The following LRRTM4 variants were observed in gnomAD, a reference collection of about 807,000 sequenced individuals.
LRRTM4 encodes leucine rich repeat transmembrane neuronal 4, also known as leucine-rich repeat transmembrane neuronal protein 4.
In LRRTM4, 25 loss-of-function variants were observed where a neutral mutation model predicts 47.6. That is an observed-to-expected ratio of 0.53 (90% CI 0.38 to 0.73). The LOEUF (loss-of-function observed/expected upper bound fraction) is 0.73. LRRTM4 is among the 30% of genes least tolerant of loss of function. LRRTM4 has a pLI of 0.00. For missense variants in LRRTM4, 638 were observed against 713.4 expected (o/e 0.89, Z 1.20); for synonymous variants, 311 against 269.5 (o/e 1.15, Z -1.51).
At chr2:76,974,079 T>TA (rs1214910389) in intron 3 of LRRTM4, among the ~76,000 whole-genome samples, 1 of 150,578 alleles carries the variant, frequency 6.6e-6, no homozygotes, top group Non-Finnish European at 1.5e-5. Context: ...ACCATCCGTT[T>TA]AAAAAAATGC....
At position 76,789,128 on chromosome 2, in the gene LRRTM4, G is replaced by A. The variant is rs369240345; in HGVS notation, c.1552-40212C>T. Among the ~76,000 whole-genome samples the A allele has an allele frequency of 5.9e-5, 9 of 152,238 alleles. No individual in the cohort carries two copies. In the East Asian group the frequency reaches 1.4e-3, roughly 23 times the overall value. Reference sequence around the variant, plus strand: ...GAGATGCTAAGTTCCAGCCCACGCTGCACTCACACTCCCTACCTCAAAGGG... The same window carrying A: ...GAGATGCTAAGTTCCAGCCCACGCTACACTCACACTCCCTACCTCAAAGGG... On this transcript the variant is annotated intron_variant, in intron 3 of 3. Transcript: ENST00000409884.
chr2:76,980,876 T>A (rs1676583842), intron 3 of LRRTM4, among the ~76,000 whole-genome samples: 1 of 152,080 alleles, frequency 6.6e-6, no homozygotes, highest in African/African-American at 2.4e-5. Flanking sequence ...TTTAAATAGA[T>A]CTTTAAAAAG....
At chr2:77,317,937 A>G (rs965068776) in intron 3 of LRRTM4, among the ~76,000 whole-genome samples, 1 of 151,938 alleles carries the variant, frequency 6.6e-6, no homozygotes, top group African/African-American at 2.4e-5. Context: ...TTCTCAAAAG[A>G]TATAAAACTA....
At chr2:77,364,142 AAC>A (rs200846341) in intron 3 of LRRTM4, among the ~76,000 whole-genome samples, 37,881 of 149,940 alleles carry the variant, frequency 0.25, 5,542 homozygotes, top group Non-Finnish European at 0.35. Context: ...AAAAAAAAAA[AAC>A]AAGTTCTTGT....
intron 3 of LRRTM4, among the ~76,000 whole-genome samples, chr2:77,075,654 G>A (rs927488152): frequency 3.3e-5 from 5 of 151,764 alleles, no homozygotes; most frequent in African/African-American, 4.8e-5. Context: ...GGTGGCTCAC[G>A]CCTGTAATCC....
chr2:77,167,560 C>T (rs1573030856), intron 3 of LRRTM4, among the ~76,000 whole-genome samples: 3 of 152,276 alleles, frequency 2.0e-5, no homozygotes, highest in South Asian at 2.1e-4. Context: ...CCCAAATGTC[C>T]ATCAATGATA....
At chr2:77,270,711 C>T (rs987517166) in intron 3 of LRRTM4, among the ~76,000 whole-genome samples, 9 of 152,140 alleles carry the variant, frequency 5.9e-5, no homozygotes, top group African/African-American at 1.7e-4. Flanking sequence ...CTGGTAAATT[C>T]CCATCTCCAA....
chr2:76,798,526 T>G (rs1398299778), intron 3 of LRRTM4, among the ~76,000 whole-genome samples: 2 of 144,032 alleles, frequency 1.4e-5, no homozygotes, highest in African/African-American at 5.1e-5. Flanking sequence ...CACCCTAACA[T>G]CACAATTAAA....
intron 3 of LRRTM4, among the ~76,000 whole-genome samples, chr2:76,924,306 C>T (rs910492289): frequency 2.0e-5 from 3 of 151,940 alleles, no homozygotes; most frequent in Non-Finnish European, 4.4e-5. Context: ...AACTATTTTC[C>T]TCAACTCTTC....
At chr2:76,807,471 C>CACACACAT (rs545039725) in intron 3 of LRRTM4, among the ~76,000 whole-genome samples, 2 of 97,482 alleles carry the variant, frequency 2.1e-5, no homozygotes, top group Non-Finnish European at 3.7e-5. Flanking sequence ...TATATATATA[C>CACACACAT]ATATATATAT....
At chr2:77,225,627 T>C (rs1674783837) in intron 3 of LRRTM4, among the ~76,000 whole-genome samples, 1 of 152,138 alleles carries the variant, frequency 6.6e-6, no homozygotes, top group Non-Finnish European at 1.5e-5. Flanking sequence ...TAATTAGTAA[T>C]ACATATACAC....
At chr2:76,804,897 A>C (rs947064818) in intron 3 of LRRTM4, among the ~76,000 whole-genome samples, 2 of 151,846 alleles carry the variant, frequency 1.3e-5, no homozygotes, top group African/African-American at 4.8e-5. Context: ...AATTTAGGTG[A>C]ATATAGAAAA....
At chr2:77,356,635 T>C (rs941604062) in intron 3 of LRRTM4, among the ~76,000 whole-genome samples, 4 of 152,214 alleles carry the variant, frequency 2.6e-5, no homozygotes, top group African/African-American at 9.6e-5. Context: ...GTAGCGCCTA[T>C]GCTATCATTT....
chr2:76,944,404 T>C (rs192267118), intron 3 of LRRTM4, among the ~76,000 whole-genome samples: 14 of 152,268 alleles, frequency 9.2e-5, no homozygotes, highest in African/African-American at 3.4e-4. Context: ...TACTTACTTA[T>C]TTACTCAAAA....
chr2:76,926,081 T>C (rs1237762752), intron 3 of LRRTM4, among the ~76,000 whole-genome samples: 1 of 152,148 alleles, frequency 6.6e-6, no homozygotes, highest in African/African-American at 2.4e-5. Flanking sequence ...AGGAGTTTGT[T>C]ACTCTAAGTG....
At chr2:77,248,427 T>G (rs904035255) in intron 3 of LRRTM4, among the ~76,000 whole-genome samples, 55 of 152,000 alleles carry the variant, frequency 3.6e-4, no homozygotes, top group African/African-American at 1.2e-3. Flanking sequence ...ATATTCCATG[T>G]TTATGGACAG....
At chr2:76,771,609 G>A (rs1182626101) in intron 3 of LRRTM4, among the ~76,000 whole-genome samples, 3 of 148,128 alleles carry the variant, frequency 2.0e-5, no homozygotes, top group East Asian at 2.0e-4. Flanking sequence ...AGAAGACTGC[G>A]TGCTGTACCT....
chr2:76,852,826 A>G (rs1220592956), intron 3 of LRRTM4, among the ~76,000 whole-genome samples: 9 of 152,172 alleles, frequency 5.9e-5, no homozygotes, highest in African/African-American at 2.2e-4. Flanking sequence ...TTATTATAAG[A>G]ACAGGTGTGG....
At chr2:76,764,542 A>T (rs894723936) in intron 3 of LRRTM4, among the ~76,000 whole-genome samples, 5 of 152,288 alleles carry the variant, frequency 3.3e-5, no homozygotes, top group Admixed American at 2.0e-4. Flanking sequence ...GAGGCAGGAG[A>T]CTGGCATGAA....
Sources: gnomAD v4.1 joint callset for allele counts (sites outside exome capture counted in the v4.1 genomes callset) on GRCh38, gnomAD v4.1.1 for gene constraint, MANE v1.5 for transcripts, NCBI Gene and HGNC (gene_info 2026-07-23, HGNC 2026-07-21) for gene names.